RADIL: variants seen among roughly 807,000 people sequenced by gnomAD.
The protein encoded by RADIL is ras-associating and dilute domain-containing protein.
A neutral mutation model predicts 97.6 loss-of-function variants in RADIL; 99 were observed. The observed-to-expected ratio is 1.01, with a 90% CI of 0.86 to 1.20. The LOEUF is 1.20. Among genes scored for constraint, RADIL ranks in the 50% most tolerant of loss-of-function variants. RADIL has a pLI of 0.00. For missense variants in RADIL, 1,765 were observed against 1,498.9 expected, an observed-to-expected ratio of 1.18 and a Z score of -2.93; for synonymous variants, 803 against 691.8, an observed-to-expected ratio of 1.16 and a Z score of -2.52.
At chr7:4,865,335 G>C in intron 2 of RADIL, 1 of 548,352 alleles carries the variant, frequency 1.8e-6, no homozygotes, top group Non-Finnish European at 3.3e-6. Flanking sequence ...ATACAATATT[G>C]TATTTTTACT....
rs1263046943 is a variant in RADIL at position 4,801,837 on chromosome 7, G to A, written c.2658C>T (p.Ser886=). ...WAQAPPGRQP[S]RGGSQAGPPH... ...GGGGGCCAGCCTGGGAGCCCCCACG[G>A]CTGGGTTGCCTTCCAGGGGGGGCCT... Residue 886 remains serine (S), a synonymous_variant, in exon 12 of 15, where the codon AGC becomes AGT. Coordinates refer to ENST00000399583, the MANE Select transcript of RADIL (RefSeq NM_018059.5). 6.2e-7 allele frequency: 1 copy of A among 1,603,498 alleles called. No homozygotes were observed.
rs929475017 is a variant in RADIL at position 4,817,899 on chromosome 7, C to G, written c.1616-548G>C. On this transcript the variant is annotated intron_variant, in intron 6 of 14. Transcript: ENST00000399583. This position sits in a 1 kb window ranked among gnomAD's most constrained non-coding sequence, Gnocchi z 8.3. ...CTGCCCACGGAGTGGTTCCTGCCGT[C>G]TGGGTGGGGGCTCTTGTGAAGGTGG... Among the ~76,000 whole-genome samples the G allele has an allele frequency of 6.6e-6, 1 of 152,226 alleles. No homozygotes were observed. Among genetic ancestry groups the G allele is most frequent in the East Asian group, 1.9e-4 (1 of 5,188 alleles).
chr7:4,861,264 A>T (rs1783985522), intron 2 of RADIL: 1 of 1,613,984 alleles, frequency 6.2e-7, no homozygotes, highest in Non-Finnish European at 8.5e-7. Flanking sequence ...CTTAAGTCCA[A>T]ATCTTCTGGA....
chr7:4,797,258 C>G lies in RADIL; in HGVS notation c.*2120G>C, dbSNP rs1314246910. On this transcript the variant is annotated 3_prime_UTR_variant, in exon 15 of 15. Coordinates refer to ENST00000399583, the MANE Select transcript of RADIL (RefSeq NM_018059.5). ...GCTGGGCCTCCCCGACTCCACGGGG[C>G]CTCCCTTCCTTGGGGTGATGCCAAG... 1.3e-5 allele frequency: 2 copies of G among 152,306 alleles called. No individual in the cohort carries two copies. Among genetic ancestry groups the G allele is most frequent in the Non-Finnish European group, 1.5e-5 (1 of 68,088 alleles). The allele number at this position is 152,306 out of a possible 1,614,324, so 9.4% of individuals were successfully genotyped here.
At chr7:4,846,392 G>A (rs1343842394) in intron 2 of RADIL, among the ~76,000 whole-genome samples, 6 of 151,648 alleles carry the variant, frequency 4.0e-5, no homozygotes, top group Non-Finnish European at 5.9e-5. Flanking sequence ...TGAGCCACCC[G>A]CCTCAGCCTC....
rs1782193084 is a variant in RADIL, at chr7:4,803,627, A to G, written c.2418T>C (p.Phe806=). The change falls in exon 11 of 15, where the codon TTT becomes TTC. Residue 806 remains phenylalanine, a synonymous_variant. Coordinates refer to ENST00000399583, the MANE Select transcript of RADIL (RefSeq NM_018059.5). ...IYQHLLYVRH[F]LWGLRSRASP... is the part of the protein sequence containing the mutation. ...TGGCTCTGCTCCGCAGACCCCACAG[A>G]AAGTGGCGGACGTAGAGCAGGTGCT... 6.5e-7 allele frequency: 1 copy of G among 1,549,926 alleles called. No homozygotes were observed. Among genetic ancestry groups the G allele is most frequent in the African/African-American group, 1.4e-5 (1 of 73,130 alleles).
intron 9 of RADIL, among the ~76,000 whole-genome samples, chr7:4,808,297 C>T (rs775302595): frequency 9.2e-5 from 14 of 151,672 alleles, no homozygotes; most frequent in Middle Eastern, 3.4e-3. Flanking sequence ...CTTTTTATTT[C>T]TGCTTCCACA....
rs549383896 is a variant in RADIL, at chr7:4,879,143, G to A, written c.-64-940C>T. Reference sequence around the variant, plus strand: ...GAGCCGGTGCAGGCATGGCCGGAATGCAGGCGTCCCGCCCACCACAGGCCG... The same window carrying A: ...GAGCCGGTGCAGGCATGGCCGGAATACAGGCGTCCCGCCCACCACAGGCCG... On this transcript the variant is annotated intron_variant, in intron 1 of 14. Coordinates refer to ENST00000399583, the MANE Select transcript of RADIL (RefSeq NM_018059.5). This position sits in a 1 kb window ranked among gnomAD's most constrained non-coding sequence, Gnocchi z 4.1. Among the ~76,000 whole-genome samples the A allele has an allele frequency of 6.6e-6, 1 of 152,252 alleles. No homozygotes were observed. The highest frequency in any genetic ancestry group is 6.5e-5 in the Admixed American group (1 of 15,294).
Position 4,837,422 on chromosome 7 carries a change from G to A in RADIL, c.536-817C>T, listed in dbSNP as rs1348846300. 6.6e-6 allele frequency among the ~76,000 whole-genome samples: 1 copy of A among 152,194 alleles called. No homozygotes were observed. Among genetic ancestry groups the A allele is most frequent in the East Asian group, 1.9e-4 (1 of 5,186 alleles). On this transcript the variant is annotated intron_variant, in intron 2 of 14. Transcript: ENST00000399583. This position sits in a 1 kb window ranked among gnomAD's most constrained non-coding sequence, Gnocchi z 5.6. ...GCATCCTGCCCCTACTTTACAAGGA[G>A]GAGGTGTCACTGTGCCACATCACCC...
At chr7:4,805,997 C>T (rs1346289269) in intron 9 of RADIL, 1 of 985,354 alleles carries the variant, frequency 1.0e-6, no homozygotes, top group Non-Finnish European at 1.2e-6. Flanking sequence ...TCACAGGCGG[C>T]CGCCAACCAG....
chr7:4,872,204 G>T lies in RADIL; in HGVS notation c.535+5401C>A, dbSNP rs1414447848. 6.6e-6 allele frequency among the ~76,000 whole-genome samples: 1 copy of T among 152,170 alleles called. No homozygotes were observed. The highest frequency in any genetic ancestry group is 2.4e-5 in the African/African-American group (1 of 41,442). On this transcript the variant is annotated intron_variant, in intron 2 of 14. Coordinates refer to ENST00000399583, the MANE Select transcript of RADIL (RefSeq NM_018059.5). This position sits in a 1 kb window ranked among gnomAD's most constrained non-coding sequence, Gnocchi z 5.8. ...TCCAATACTGCAGCTCTCAATAGAGGGCAGGTCTGCCTCCAGGGAACATCT... is the reference window on the plus strand; with the variant it reads ...TCCAATACTGCAGCTCTCAATAGAGTGCAGGTCTGCCTCCAGGGAACATCT...
intron 2 of RADIL, chr7:4,860,180 T>G (rs557252177): frequency 6.2e-7 from 1 of 1,614,026 alleles, no homozygotes; most frequent in Admixed American, 1.7e-5. Flanking sequence ...TGGGCCTGTC[T>G]TCATAGTGCT....
chr7:4,827,434 C>G (rs1429062527), intron 5 of RADIL, among the ~76,000 whole-genome samples: 1 of 150,790 alleles, frequency 6.6e-6, no homozygotes, highest in Non-Finnish European at 1.5e-5. Context: ...CCGAGGTGGG[C>G]GGGTCACCAG....
chr7:4,860,695 G>A (rs1355676086), intron 2 of RADIL: 2 of 1,614,138 alleles, frequency 1.2e-6, no homozygotes, highest in East Asian at 2.2e-5. Context: ...TATAATGCTT[G>A]TACTTTTGAA....
rs1782766614 is a variant in RADIL, at chr7:4,819,337, G to T, written c.1616-1986C>A. Among the ~76,000 whole-genome samples, 1 of 151,818 alleles carries T rather than the reference G, an allele frequency of 6.6e-6. No homozygotes were observed. Among genetic ancestry groups the T allele is most frequent in the Non-Finnish European group, 1.5e-5 (1 of 67,942 alleles). On this transcript the variant is annotated intron_variant, in intron 6 of 14. Coordinates refer to ENST00000399583, the MANE Select transcript of RADIL (RefSeq NM_018059.5). The surrounding 1 kb of genome is among the most constrained non-coding windows in gnomAD (Gnocchi z 5.8). Reference sequence around the variant, plus strand: ...TCTGCCTGCCTCGGCCTCCCAAAGTGCGGGGAGGACAGGTGTGAGCCCAGC... The same window carrying T: ...TCTGCCTGCCTCGGCCTCCCAAAGTTCGGGGAGGACAGGTGTGAGCCCAGC...
At chr7:4,844,727 C>A (rs1192315511) in intron 2 of RADIL, among the ~76,000 whole-genome samples, 1 of 152,020 alleles carries the variant, frequency 6.6e-6, no homozygotes, top group African/African-American at 2.4e-5. Flanking sequence ...GCCTCAGCCT[C>A]CCAAGTAGCT....
At chr7:4,806,507 G>C (rs1262370963) in intron 9 of RADIL, among the ~76,000 whole-genome samples, 1 of 152,096 alleles carries the variant, frequency 6.6e-6, no homozygotes, top group East Asian at 1.9e-4. Context: ...TTTTAGGCAA[G>C]ACAAAAAGCC....
At chr7:4,851,081 C>T (rs916045998) in intron 2 of RADIL, among the ~76,000 whole-genome samples, 1 of 151,612 alleles carries the variant, frequency 6.6e-6, no homozygotes, top group Non-Finnish European at 1.5e-5. Flanking sequence ...GGCACACACC[C>T]GTAATCCCAG....
Position 4,835,339 on chromosome 7 carries a change from T to A in RADIL, c.784-100A>T, listed in dbSNP as rs1308055416. On this transcript the variant is annotated intron_variant, in intron 3 of 14. Coordinates refer to ENST00000399583, the MANE Select transcript of RADIL (RefSeq NM_018059.5). The surrounding 1 kb of genome is among the most constrained non-coding windows in gnomAD (Gnocchi z 5.8). The stretch of plus-strand genomic sequence containing the variant: ...GGTTGCTGAAGCAGCGTGGCTGGGA[T>A]GCTGTCGCCACGGGCTCTCCATGTC... 4 of 1,457,634 alleles carry A rather than the reference T, an allele frequency of 2.7e-6. No homozygotes were observed. In the Admixed American group the frequency reaches 8.0e-5, roughly 29 times the overall value. The allele number at this position is 1,457,634 out of a possible 1,614,324, so 90.3% of individuals were successfully genotyped here.
Sources: gnomAD v4.1 joint callset for allele counts (sites outside exome capture counted in the v4.1 genomes callset) on GRCh38, gnomAD v4.1.1 for gene constraint, Gnocchi (gnomAD v3.1) non-coding constraint, MANE v1.5 for transcripts, NCBI Gene and HGNC (gene_info 2026-07-23, HGNC 2026-07-21) for gene names.